CCDC102B: variants seen among roughly 807,000 people sequenced by gnomAD.
CCDC102B encodes the protein coiled-coil domain containing 102B, also known as coiled-coil domain-containing protein 102B.
A neutral mutation model predicts 57.4 loss-of-function variants in CCDC102B; 75 were observed. The ratio of observed to expected loss-of-function variants is 1.31; its 90% CI spans 1.08 to 1.58. The LOEUF is 1.58. Among genes scored for constraint, CCDC102B ranks in the 40% most tolerant of loss-of-function variants. The pLI, the probability that CCDC102B is intolerant of heterozygous loss-of-function variation, is 0.00. For synonymous variants in CCDC102B, 206 were observed against 201.9 expected (o/e 1.02, Z -0.17); for missense variants, 636 against 582.6 (o/e 1.09, Z -0.94).
intron 6 of CCDC102B, among the ~76,000 whole-genome samples, chr18:69,009,005 G>A (rs2051427501): frequency 6.6e-6 from 1 of 152,116 alleles, no homozygotes; most frequent in African/African-American, 2.4e-5. Context: ...ACAAAACAAT[G>A]CTGAGACAAA....
intron 6 of CCDC102B, among the ~76,000 whole-genome samples, chr18:68,979,649 CT>C (rs1221382771): frequency 6.6e-6 from 1 of 151,932 alleles, no homozygotes; most frequent in African/African-American, 2.4e-5. Context: ...TAGTTAATGG[CT>C]CAGCTATGAA....
At chr18:68,722,743 T>C (rs2032405767) in intron 2 of CCDC102B, among the ~76,000 whole-genome samples, 1 of 152,146 alleles carries the variant, frequency 6.6e-6, no homozygotes, top group African/African-American at 2.4e-5. Flanking sequence ...ACAAACTGCT[T>C]CTTCTCAAAC....
intron 5 of CCDC102B, among the ~76,000 whole-genome samples, chr18:68,895,959 G>A (rs111642505): frequency 2.0e-5 from 3 of 152,008 alleles, no homozygotes; most frequent in African/African-American, 7.2e-5. Context: ...TATTACCACA[G>A]TGTTTCTCCT....
At chr18:68,751,397 G>T (rs892097439) in intron 2 of CCDC102B, among the ~76,000 whole-genome samples, 4 of 152,076 alleles carry the variant, frequency 2.6e-5, no homozygotes, top group Admixed American at 6.5e-5. Context: ...ATATTCACAG[G>T]CTTCTTGCAC....
intron 6 of CCDC102B, among the ~76,000 whole-genome samples, chr18:68,992,298 T>A (rs1490315030): frequency 6.6e-6 from 1 of 152,116 alleles, no homozygotes; most frequent in African/African-American, 2.4e-5. Flanking sequence ...TCAGCCACCA[T>A]CTTTATGCCA....
intron 3 of CCDC102B, among the ~76,000 whole-genome samples, chr18:68,840,884 A>G (rs2037597602): frequency 6.6e-6 from 1 of 152,186 alleles, no homozygotes; most frequent in South Asian, 2.1e-4. Flanking sequence ...TAAATGAACA[A>G]TTCTCAGAGT....
At chr18:68,878,378 G>A (rs1025529561) in intron 5 of CCDC102B, among the ~76,000 whole-genome samples, 1 of 152,128 alleles carries the variant, frequency 6.6e-6, no homozygotes, top group South Asian at 2.1e-4. Context: ...GATTACAGGC[G>A]TGAGCCACCA....
At chr18:68,855,660 A>G (rs2038349482) in intron 4 of CCDC102B, among the ~76,000 whole-genome samples, 1 of 152,116 alleles carries the variant, frequency 6.6e-6, no homozygotes, top group Non-Finnish European at 1.5e-5. Context: ...AATACCATTA[A>G]CTAATTTTAT....
intron 2 of CCDC102B, among the ~76,000 whole-genome samples, chr18:68,755,227 C>T (rs1247248352): frequency 1.3e-5 from 2 of 152,158 alleles, no homozygotes; most frequent in African/African-American, 4.8e-5. Context: ...GGAGGATGTG[C>T]TCCCCAGAAA....
chr18:68,938,929 C>T (rs1216272107), intron 6 of CCDC102B, among the ~76,000 whole-genome samples: 2 of 151,496 alleles, frequency 1.3e-5, no homozygotes, highest in Admixed American at 6.6e-5. Context: ...TTTATATGTA[C>T]TCATCTTTCC....
chr18:69,049,173 A>T (rs1224305474), intron 7 of CCDC102B, among the ~76,000 whole-genome samples: 2 of 151,958 alleles, frequency 1.3e-5, no homozygotes, highest in African/African-American at 4.8e-5. Context: ...TATCTCTCCT[A>T]ATGGTATCCG....
At chr18:68,955,321 A>G (rs2049814606) in intron 6 of CCDC102B, among the ~76,000 whole-genome samples, 1 of 152,186 alleles carries the variant, frequency 6.6e-6, no homozygotes, top group Non-Finnish European at 1.5e-5. Context: ...TTCTATATGC[A>G]TGCTAGACAT....
rs1418909036 is a variant in CCDC102B at position 68,787,119 on chromosome 18, C to G, written c.-66-36247C>G. On this transcript the variant is annotated intron_variant, in intron 2 of 3. Coordinates refer to the CCDC102B transcript ENST00000578970. ...TTTTGTCTTTGGTTCTGTTTATATG[C>G]TGGATTACATTTATTGATTTGCATA... Among the ~76,000 whole-genome samples, 17 of 150,746 alleles carry G rather than the reference C, an allele frequency of 1.1e-4. 1 individual carries two copies. Among genetic ancestry groups the G allele is most frequent in the African/African-American group, 2.5e-5 (1 of 40,638 alleles).
intron 6 of CCDC102B, among the ~76,000 whole-genome samples, chr18:68,949,114 C>T (rs546315689): frequency 1.3e-5 from 2 of 152,128 alleles, no homozygotes; most frequent in African/African-American, 4.8e-5. Context: ...TTTATTCTAG[C>T]CATGCTGGCA....
intron 2 of CCDC102B, among the ~76,000 whole-genome samples, chr18:68,788,421 C>T (rs1285278946): frequency 6.7e-6 from 1 of 149,806 alleles, no homozygotes; most frequent in East Asian, 2.0e-4. Context: ...CTAATGTTGA[C>T]AGTGGGGTGT....
intron 6 of CCDC102B, among the ~76,000 whole-genome samples, chr18:68,989,183 A>T (rs548757898): frequency 3.3e-4 from 51 of 152,332 alleles, no homozygotes; most frequent in Non-Finnish European, 5.9e-4. Context: ...TATGCATCAG[A>T]TACAAACTAA....
intron 2 of CCDC102B, among the ~76,000 whole-genome samples, chr18:68,765,956 A>AAT (rs2034457243): frequency 6.6e-6 from 1 of 152,126 alleles, no homozygotes; most frequent in African/African-American, 2.4e-5. Flanking sequence ...TTAAGGACAT[A>AAT]GCAGTTTTGG....
chr18:68,837,335 G>T lies in CCDC102B; in HGVS notation c.572G>T (p.Arg191Ile), dbSNP rs768323492. The change falls in exon 2 of 8, where the codon AGA becomes ATA. Residue 191 changes from arginine (R) to isoleucine (I), a missense_variant. By Grantham distance (97) the Arg-to-Ile change is moderately conservative (BLOSUM62 -3). Transcript: ENST00000360242. ...HESIREYLVK[R>I]QFSTKEDTNN... is the part of the protein sequence containing the mutation. Reference sequence around the variant, plus strand: ...TCTATCAGAGAGTATTTGGTAAAAAGACAATTTTCTACAAAGGAGGACACA... The same window carrying T: ...TCTATCAGAGAGTATTTGGTAAAAATACAATTTTCTACAAAGGAGGACACA... 1.9e-6 allele frequency: 3 copies of T among 1,609,462 alleles called. No individual in the cohort carries two copies. Among genetic ancestry groups the T allele is most frequent in the African/African-American group, 1.3e-5 (1 of 74,628 alleles).
At chr18:68,951,768 A>C (rs1040003899) in intron 6 of CCDC102B, among the ~76,000 whole-genome samples, 1 of 151,812 alleles carries the variant, frequency 6.6e-6, no homozygotes, top group Non-Finnish European at 1.5e-5. Flanking sequence ...AGATTATGCC[A>C]CTACACTCCA....
Sources: allele counts gnomAD v4.1 joint callset (sites outside exome capture counted in the v4.1 genomes callset), GRCh38; gene constraint gnomAD v4.1.1; transcripts MANE v1.5; gene names NCBI Gene and HGNC (gene_info 2026-07-23, HGNC 2026-07-21).